The following GRB10 variants were observed in gnomAD, a reference collection of about 807,000 sequenced individuals.
The protein encoded by GRB10 is growth factor receptor bound protein 10.
Under a neutral mutation model 80.9 loss-of-function variants are expected in GRB10, and 20 were observed. The observed-to-expected ratio is 0.25, with a 90% CI of 0.17 to 0.36. The LOEUF is 0.36. GRB10 is among the 10% of genes least tolerant of loss of function. The probability of loss-of-function intolerance (pLI) is 1.00; values close to 1 mark genes in which losing one functional copy is unlikely to be tolerated. For synonymous variants in GRB10, 291 were observed against 291.5 expected, an observed-to-expected ratio of 1.00 and a Z score of 0.02; for missense variants, 548 against 747.7, an observed-to-expected ratio of 0.73 and a Z score of 3.12.
intron 13 of GRB10, among the ~76,000 whole-genome samples, chr7:50,610,872 A>G (rs900577252): frequency 6.6e-6 from 1 of 152,198 alleles, no homozygotes; most frequent in Non-Finnish European, 1.5e-5. Context: ...TTAGCGCAAC[A>G]AAGGAGAGAC....
At chr7:50,659,023 TAATC>T (rs2058948914) in intron 7 of GRB10, among the ~76,000 whole-genome samples, 1 of 152,216 alleles carries the variant, frequency 6.6e-6, no homozygotes, top group South Asian at 2.1e-4. Flanking sequence ...ATTTTAAAAA[TAATC>T]ATGGGCAATT....
intron 2 of GRB10, among the ~76,000 whole-genome samples, chr7:50,770,011 C>A (rs1327330583): frequency 6.6e-6 from 1 of 152,196 alleles, no homozygotes; most frequent in African/African-American, 2.4e-5. Flanking sequence ...ACTGGCTCAA[C>A]AAACACTGGG....
At chr7:50,683,157 T>C (rs2061726530) in intron 5 of GRB10, among the ~76,000 whole-genome samples, 1 of 152,158 alleles carries the variant, frequency 6.6e-6, no homozygotes, top group African/African-American at 2.4e-5. Context: ...AAAAGGAAGG[T>C]GCCTCTGAAA....
At chr7:50,744,505 G>A (rs1441746647) in intron 3 of GRB10, among the ~76,000 whole-genome samples, 2 of 152,160 alleles carry the variant, frequency 1.3e-5, no homozygotes, top group Non-Finnish European at 2.9e-5. Context: ...CTGTTGACTA[G>A]AAGCTTTATC....
intron 7 of GRB10, among the ~76,000 whole-genome samples, chr7:50,631,797 A>G (rs775371175): frequency 2.1e-4 from 32 of 152,334 alleles, no homozygotes; most frequent in Non-Finnish European, 1.6e-4. Flanking sequence ...CCTTAACTCC[A>G]CGCACATGTC....
At chr7:50,666,355 A>T (rs1487562030) in intron 7 of GRB10, among the ~76,000 whole-genome samples, 3 of 152,168 alleles carry the variant, frequency 2.0e-5, no homozygotes, top group Admixed American at 6.5e-5. Context: ...GGGAGGCGGC[A>T]TTGGAGGAAT....
chr7:50,667,268 T>C (rs2059914904), intron 7 of GRB10, among the ~76,000 whole-genome samples: 1 of 152,180 alleles, frequency 6.6e-6, no homozygotes. Flanking sequence ...CACTATCCCA[T>C]TACCTTCCAT....
chr7:50,624,135 T>C (rs1225059355), intron 8 of GRB10, among the ~76,000 whole-genome samples: 1 of 152,236 alleles, frequency 6.6e-6, no homozygotes, highest in Non-Finnish European at 1.5e-5. Flanking sequence ...ATCTGCCTTA[T>C]AGACTTGCAA....
At chr7:50,620,444 G>A (rs556776706) in intron 8 of GRB10, among the ~76,000 whole-genome samples, 3 of 148,590 alleles carry the variant, frequency 2.0e-5, no homozygotes, top group East Asian at 2.0e-4. Flanking sequence ...CGTCTACAAC[G>A]AACAACTGTC....
intron 3 of GRB10, among the ~76,000 whole-genome samples, chr7:50,740,735 C>G (rs2071572862): frequency 6.6e-6 from 1 of 151,460 alleles, no homozygotes; most frequent in Non-Finnish European, 1.5e-5. Context: ...TCATTCGAAA[C>G]CCAAACAATT....
At chr7:50,688,580 CA>C (rs774535376) in intron 5 of GRB10, among the ~76,000 whole-genome samples, 2 of 152,132 alleles carry the variant, frequency 1.3e-5, no homozygotes, top group African/African-American at 4.8e-5. Context: ...GCTGTCTATG[CA>C]GCTGGCCCAG....
intron 17 of GRB10, among the ~76,000 whole-genome samples, chr7:50,602,779 T>G (rs2047833890): frequency 6.6e-6 from 1 of 152,256 alleles, no homozygotes; most frequent in Non-Finnish European, 1.5e-5. Context: ...TCTTATTTAT[T>G]TAGTTAAGTG....
chr7:50,719,765 A>G (rs2067427170), intron 4 of GRB10, among the ~76,000 whole-genome samples: 1 of 152,156 alleles, frequency 6.6e-6, no homozygotes, highest in African/African-American at 2.4e-5. Flanking sequence ...AATAAATGCT[A>G]CAACCAGCTC....
chr7:50,614,736 G>T, intron 12 of GRB10, 34 bp downstream of exon 12: 1 of 1,344,732 alleles, frequency 7.4e-7, no homozygotes, highest in Non-Finnish European at 1.1e-6. Context: ...GGGCTGCTGA[G>T]CATGCGCGCC....
intron 7 of GRB10, among the ~76,000 whole-genome samples, chr7:50,627,956 C>T (rs2053262884): frequency 6.6e-6 from 1 of 152,172 alleles, no homozygotes; most frequent in Non-Finnish European, 1.5e-5. Flanking sequence ...CCCAGGCTGC[C>T]TTGCACCGGC....
At chr7:50,625,405 C>T (rs776620162) in intron 8 of GRB10, among the ~76,000 whole-genome samples, 3 of 151,890 alleles carry the variant, frequency 2.0e-5, no homozygotes, top group African/African-American at 7.3e-5. Flanking sequence ...TATATTTTTT[C>T]ATACATATAT....
At chr7:50,704,050 G>GAT in intron 4 of GRB10, 142 bp from the exon 5 acceptor site, 1 of 646,932 alleles carries the variant, frequency 1.5e-6, no homozygotes, top group Non-Finnish European at 2.8e-6. Flanking sequence ...CATTTTCAAT[G>GAT]ATAGTTGTTG....
chr7:50,730,376 G>C (rs555763297), intron 4 of GRB10, among the ~76,000 whole-genome samples: 1 of 152,246 alleles, frequency 6.6e-6, no homozygotes, highest in South Asian at 2.1e-4. Context: ...AAGGTTTTAA[G>C]AATAAATTTT....
intron 3 of GRB10, among the ~76,000 whole-genome samples, chr7:50,738,749 C>T (rs1173915321): frequency 6.6e-6 from 1 of 152,104 alleles, no homozygotes; most frequent in African/African-American, 2.4e-5. Flanking sequence ...GTTTTATAAG[C>T]CAGTAGATAG....
Sources: allele counts gnomAD v4.1 joint callset (sites outside exome capture counted in the v4.1 genomes callset), GRCh38; gene constraint gnomAD v4.1.1; transcripts MANE v1.5; gene names NCBI Gene and HGNC (gene_info 2026-07-23, HGNC 2026-07-21).